GRM7: variants seen among roughly 807,000 people sequenced by gnomAD.
The protein encoded by GRM7 is glutamate metabotropic receptor 7.
In GRM7, 35 loss-of-function variants were observed where a neutral mutation model predicts 84.5. That is an observed-to-expected ratio of 0.41 (90% CI 0.32 to 0.55). The LOEUF (loss-of-function observed/expected upper bound fraction) is 0.55, where lower values mean the gene tolerates loss of function less well. Among genes scored for constraint, GRM7 ranks in the 20% least tolerant of loss-of-function variants. The pLI, the probability that GRM7 is intolerant of heterozygous loss-of-function variation, is 0.19. For missense variants in GRM7, 1,003 were observed against 1,194.6 expected (o/e 0.84, Z 2.36); for synonymous variants, 487 against 455.1 (o/e 1.07, Z -0.89).
intron 9 of GRM7, among the ~76,000 whole-genome samples, chr3:7,699,908 G>C (rs1269867167): frequency 1.3e-5 from 2 of 152,120 alleles, no homozygotes; most frequent in Non-Finnish European, 2.9e-5. Context: ...AGTTGGACCT[G>C]GCATAACTCT....
At chr3:6,870,200 TGGTC>T (rs1223100763) in intron 1 of GRM7, among the ~76,000 whole-genome samples, 1 of 152,140 alleles carries the variant, frequency 6.6e-6, no homozygotes, top group Non-Finnish European at 1.5e-5. Flanking sequence ...TTGCTGAAGA[TGGTC>T]GGGTTGGTAG....
intron 8 of GRM7, among the ~76,000 whole-genome samples, chr3:7,645,930 G>A (rs1698616617): frequency 6.6e-6 from 1 of 151,440 alleles, no homozygotes; most frequent in South Asian, 2.1e-4. Context: ...GTCATTACTT[G>A]GGGAGCGTCT....
At chr3:7,182,398 T>A (rs1575002113) in intron 2 of GRM7, among the ~76,000 whole-genome samples, 2 of 152,228 alleles carry the variant, frequency 1.3e-5, no homozygotes, top group South Asian at 4.1e-4. Flanking sequence ...TGGATATTTT[T>A]AAAACATTAT....
intron 4 of GRM7, among the ~76,000 whole-genome samples, chr3:7,338,624 T>A (rs1378462077): frequency 6.6e-6 from 1 of 152,130 alleles, no homozygotes; most frequent in Non-Finnish European, 1.5e-5. Flanking sequence ...CATGACCACA[T>A]GGGGGACATT....
intron 2 of GRM7, among the ~76,000 whole-genome samples, chr3:7,213,427 C>A (rs921582539): frequency 1.3e-5 from 2 of 152,142 alleles, no homozygotes; most frequent in African/African-American, 4.8e-5. Context: ...CCGCTTCAAT[C>A]TCTTAATGTT....
chr3:7,612,255 C>T (rs1696881845), intron 8 of GRM7, among the ~76,000 whole-genome samples: 1 of 152,176 alleles, frequency 6.6e-6, no homozygotes, highest in South Asian at 2.1e-4. Context: ...TTTAACCTCC[C>T]TGTCTCATCT....
chr3:7,002,880 A>G (rs1161356073), intron 1 of GRM7, among the ~76,000 whole-genome samples: 1 of 152,176 alleles, frequency 6.6e-6, no homozygotes, highest in East Asian at 1.9e-4. Flanking sequence ...AATGTGGTAT[A>G]TTACACAATG....
chr3:7,469,851 T>C (rs1298447923), intron 7 of GRM7, among the ~76,000 whole-genome samples: 23 of 152,264 alleles, frequency 1.5e-4, no homozygotes, highest in Admixed American at 1.5e-3. Context: ...AAGTACTGCT[T>C]CCCATTTGTC....
chr3:7,254,847 T>C (rs1483370710), intron 2 of GRM7, among the ~76,000 whole-genome samples: 1 of 152,190 alleles, frequency 6.6e-6, no homozygotes, highest in Non-Finnish European at 1.5e-5. Flanking sequence ...AATGAGATAG[T>C]GCTTAAAAGA....
At chr3:7,342,576 T>C (rs149342559) in intron 4 of GRM7, among the ~76,000 whole-genome samples, 175 of 152,300 alleles carry the variant, frequency 1.1e-3, no homozygotes, top group Non-Finnish European at 1.5e-3. Context: ...GTCTACCCTG[T>C]ACTAATCATT....
intron 1 of GRM7, among the ~76,000 whole-genome samples, chr3:6,901,462 G>T (rs934605546): frequency 1.3e-5 from 2 of 151,930 alleles, no homozygotes; most frequent in African/African-American, 4.8e-5. Context: ...GCTGAGCGTG[G>T]TGGTGCGTGC....
At chr3:7,060,149 A>G (rs987897425) in intron 1 of GRM7, among the ~76,000 whole-genome samples, 14 of 151,810 alleles carry the variant, frequency 9.2e-5, no homozygotes, top group African/African-American at 3.1e-4. Context: ...ATTAGAACTA[A>G]TATCTTTAAA....
At chr3:7,630,873 C>A (rs1697832065) in intron 8 of GRM7, among the ~76,000 whole-genome samples, 1 of 152,204 alleles carries the variant, frequency 6.6e-6, no homozygotes. Flanking sequence ...GTCTGGTAAT[C>A]TTCATTGCTG....
chr3:7,694,789 A>G (rs1446505666), intron 9 of GRM7, among the ~76,000 whole-genome samples: 1 of 152,208 alleles, frequency 6.6e-6, no homozygotes, highest in East Asian at 1.9e-4. Flanking sequence ...CCAATTTTAA[A>G]AAGTCCTATG....
chr3:7,092,943 TGTG>T (rs1220390243), intron 1 of GRM7, among the ~76,000 whole-genome samples: 1 of 152,060 alleles, frequency 6.6e-6, no homozygotes. Flanking sequence ...TTTAGCCAGG[TGTG>T]GTGGTGTGCA....
intron 2 of GRM7, among the ~76,000 whole-genome samples, chr3:7,187,135 A>G (rs1695545992): frequency 6.6e-6 from 1 of 152,062 alleles, no homozygotes; most frequent in African/African-American, 2.4e-5. Flanking sequence ...ATTTGATCTG[A>G]GTTTTCAGAT....
At chr3:7,267,730 T>C (rs1698697406) in intron 2 of GRM7, among the ~76,000 whole-genome samples, 1 of 151,890 alleles carries the variant, frequency 6.6e-6, no homozygotes, top group Non-Finnish European at 1.5e-5. Flanking sequence ...AAACGGGCAA[T>C]AGGGAGGGAT....
chr3:6,998,119 C>CAAAAAAAAAAAAAA lies in GRM7; in HGVS notation c.519+136219_519+136232dup, dbSNP rs3063449. 4.9e-3 allele frequency among the ~76,000 whole-genome samples: 90 copies of CAAAAAAAAAAAAAA among 18,430 alleles called. 39 individuals are homozygous for CAAAAAAAAAAAAAA. The highest frequency in any genetic ancestry group is 0.013 in the East Asian group (6 of 456). 12.1% of individuals were successfully genotyped at this position (18,430 alleles called of 152,430 possible). On this transcript the variant is annotated intron_variant, in intron 1 of 9. Transcript: ENST00000357716. ...GGGCAAAAACAGCAAATCTCCATCT[C>CAAAAAAAAAAAAAA]AAAAAAAAAAAAAAAAAAAAGCAGG... is the stretch of plus-strand genomic sequence containing the variant.
chr3:7,144,510 C>A (rs1208541401), intron 1 of GRM7, among the ~76,000 whole-genome samples: 1 of 152,110 alleles, frequency 6.6e-6, no homozygotes, highest in Admixed American at 6.6e-5. Context: ...TGATGACGTG[C>A]AGCAGAGGAC....
Sources: gnomAD v4.1 joint callset for allele counts (sites outside exome capture counted in the v4.1 genomes callset) on GRCh38, gnomAD v4.1.1 for gene constraint, MANE v1.5 for transcripts, NCBI Gene and HGNC (gene_info 2026-07-23, HGNC 2026-07-21) for gene names.